The following STARD9 variants were observed in gnomAD, a reference collection of about 807,000 sequenced individuals.
The protein encoded by STARD9 is StAR related lipid transfer domain containing 9.
In STARD9, 346 loss-of-function variants were observed where a neutral mutation model predicts 399.8. The ratio of observed to expected loss-of-function variants is 0.87; its 90% confidence interval spans 0.79 to 0.95. The LOEUF is 0.95. Among genes scored for constraint, STARD9 ranks in the 40% least tolerant of loss-of-function variants. The pLI is 0.00. For missense variants in STARD9, 5,832 were observed against 5,667.5 expected (o/e 1.03, Z -0.93); for synonymous variants, 2,203 against 2,143.5 (o/e 1.03, Z -0.77).
At chr15:42,696,074 T>G (rs2060841062) in intron 26 of STARD9, among the ~76,000 whole-genome samples, 194 bp downstream of exon 26, 1 of 152,270 alleles carries the variant, frequency 6.6e-6, no homozygotes, top group Non-Finnish European at 1.5e-5. Flanking sequence ...GTTCATTCAT[T>G]CAACAAATGT....
chr15:42,692,567 C>T lies in STARD9; in HGVS notation c.10989C>T (p.Ala3663=), dbSNP rs1595787882. The T allele has an allele frequency of 6.5e-7, 1 of 1,537,222 alleles. No individual in the cohort carries two copies. The highest frequency in any genetic ancestry group is 8.7e-7 in the Non-Finnish European group (1 of 1,146,924). Residue 3663 remains alanine, a synonymous_variant, in exon 23 of 33, where the codon GCC becomes GCT. Coordinates refer to ENST00000290607, the MANE Select transcript of STARD9 (RefSeq NM_020759.3). ...STDISFAQPE[A]SAVSAFDLAS... Reference sequence around the variant, plus strand: ...ACATCTCCTTTGCTCAGCCTGAAGCCAGTGCAGTATCAGCCTTTGATCTGG... The same window carrying T: ...ACATCTCCTTTGCTCAGCCTGAAGCTAGTGCAGTATCAGCCTTTGATCTGG...
chr15:42,682,229 C>G lies in STARD9; in HGVS notation c.2191C>G (p.Pro731Ala). The change falls in exon 22 of 33, where the codon CCT becomes GCT. Residue 731 changes from proline to alanine, a missense_variant. Around this residue, in one of 2 missense-constraint regions of STARD9, gnomAD observed 5,828 missense variants for 5,651.1 expected, o/e 1.03. Coordinates refer to ENST00000290607, the MANE Select transcript of STARD9 (RefSeq NM_020759.3). ...VALDAWLQTD[P>A]EIQPSPFVQS... is the part of the protein sequence containing the mutation. ...ACTTGATGCTTGGCTTCAGACAGAT[C>G]CTGAGATTCAGCCATCCCCATTTGT... 2 of 1,537,250 alleles carry G rather than the reference C, an allele frequency of 1.3e-6. No homozygotes were observed. Among genetic ancestry groups the G allele is most frequent in the Non-Finnish European group, 1.7e-6 (2 of 1,146,902 alleles).
intron 14 of STARD9, among the ~76,000 whole-genome samples, 184 bp from the exon 15 acceptor site, chr15:42,665,602 A>T (rs928642540): frequency 7.2e-5 from 11 of 152,172 alleles, no homozygotes; most frequent in Admixed American, 5.9e-4. Flanking sequence ...CCCTCCAGGA[A>T]AATTTCTTTG....
chr15:42,717,528 G>A (rs1231600866), intron 28 of STARD9, among the ~76,000 whole-genome samples: 1 of 152,044 alleles, frequency 6.6e-6, no homozygotes, highest in African/African-American at 2.4e-5. Context: ...GGGAGGCTGA[G>A]GTGGGAGGAT....
Position 42,684,801 on chromosome 15 carries a change from A to AG in STARD9, c.3226dup (p.Asp1076GlyfsTer24), listed in dbSNP as rs34001262. 1 of 1,537,206 alleles carries AG rather than the reference A, an allele frequency of 6.5e-7. No individual in the cohort carries two copies. The highest frequency in any genetic ancestry group is 8.7e-7 in the Non-Finnish European group (1 of 1,146,926). Reference sequence around the variant, plus strand: ...TCCTTTGAAGAGACAACAAAATACAAGGGACCCAGACACCATGGTCCCACT... The same window carrying AG: ...TCCTTTGAAGAGACAACAAAATACAAGGGGACCCAGACACCATGGTCCCACT... On this transcript the variant is annotated frameshift_variant, in exon 23 of 33. Coordinates refer to ENST00000290607, the MANE Select transcript of STARD9 (RefSeq NM_020759.3). LOFTEE classifies it high-confidence loss of function.
chr15:42,692,557 A>G lies in STARD9; in HGVS notation c.10979A>G (p.Gln3660Arg). The G allele has an allele frequency of 1.3e-6, 2 of 1,537,250 alleles. No homozygotes were observed. Among genetic ancestry groups the G allele is most frequent in the Non-Finnish European group, 8.7e-7 (1 of 1,146,922 alleles). The change falls in exon 23 of 33, where the codon CAG (glutamine) becomes CGG (arginine). Residue 3660 changes from glutamine to arginine, a missense_variant. Physicochemically the swap from Gln to Arg is conservative, Grantham distance 43. Around this residue, in one of 2 missense-constraint regions of STARD9, gnomAD observed 5,828 missense variants for 5,651.1 expected, o/e 1.03. Transcript: ENST00000290607. Reference sequence around the variant, plus strand: ...AGCAGCACTGACATCTCCTTTGCTCAGCCTGAAGCCAGTGCAGTATCAGCC... The same window carrying G: ...AGCAGCACTGACATCTCCTTTGCTCGGCCTGAAGCCAGTGCAGTATCAGCC... The part of the protein sequence containing the change: ...HWSSTDISFA[Q>R]PEASAVSAFD...
chr15:42,687,124 C>G lies in STARD9; in HGVS notation c.5546C>G (p.Ser1849Cys). 6.5e-7 allele frequency: 1 copy of G among 1,537,178 alleles called. No individual in the cohort carries two copies. The highest frequency in any genetic ancestry group is 8.7e-7 in the Non-Finnish European group (1 of 1,146,870). Residue 1849 changes from serine (S) to cysteine (C), a missense_variant, in exon 23 of 33, where the codon TCT (serine) becomes TGT (cysteine). By Grantham distance (112) the Ser-to-Cys change is moderately radical (BLOSUM62 -1). Transcript: ENST00000290607. ...ITEESHDSVY[S>C]SVTQNRHFLP... ...GAAGAAAGCCATGATTCAGTTTATT[C>G]TTCTGTTACTCAGAACAGACATTTT...
At chr15:42,699,392 C>CTTTTCTTTTTTTTTT (rs1359323091) in intron 26 of STARD9, among the ~76,000 whole-genome samples, 17 of 113,292 alleles carry the variant, frequency 1.5e-4, no homozygotes, top group East Asian at 7.6e-4. Flanking sequence ...TTTTTCTTTT[C>CTTTTCTTTTTTTTTT]TTTTTTTTTT....
chr15:42,656,187 A>G (rs913887139), intron 9 of STARD9, among the ~76,000 whole-genome samples: 3 of 152,022 alleles, frequency 2.0e-5, no homozygotes, highest in Middle Eastern at 3.4e-3. Context: ...GAAATGCTGT[A>G]TCTACTAAAA....
chr15:42,688,539 G>T lies in STARD9; in HGVS notation c.6961G>T (p.Glu2321Ter). 1 of 1,537,868 alleles carries T rather than the reference G, an allele frequency of 6.5e-7. No individual in the cohort carries two copies. The highest frequency in any genetic ancestry group is 8.7e-7 in the Non-Finnish European group (1 of 1,147,060). Residue 2321 changes from glutamate to a stop codon, truncating the protein, a stop_gained, in exon 23 of 33, where the codon GAA (glutamate) becomes TAA (stop). Coordinates refer to ENST00000290607, the MANE Select transcript of STARD9 (RefSeq NM_020759.3). LOFTEE classifies it high-confidence loss of function. ...ETVSPLLSRT[E>*]FCTAPLHQDL... is the part of the protein sequence containing the mutation. ...TGTCAGCCCATTACTAAGCCGGACA[G>T]AATTCTGTACAGCTCCTCTTCACCA...
chr15:42,643,607 C>T lies in STARD9; in HGVS notation c.559+4795C>T, dbSNP rs1439865346. On this transcript the variant is annotated intron_variant, in intron 7 of 32. Coordinates refer to ENST00000290607, the MANE Select transcript of STARD9 (RefSeq NM_020759.3). Reference sequence around the variant, plus strand: ...CCGGGTTCAAGCGATTCTCCTGCCTCGGCTGAGGCAGCTAGTCCTGACTAG... The same window carrying T: ...CCGGGTTCAAGCGATTCTCCTGCCTTGGCTGAGGCAGCTAGTCCTGACTAG... 6.9e-5 allele frequency among the ~76,000 whole-genome samples: 8 copies of T among 116,334 alleles called. No individual in the cohort carries two copies. In the East Asian group the frequency reaches 1.3e-3, roughly 20 times the overall value. 76.3% of individuals were successfully genotyped at this position (116,334 alleles called of 152,430 possible).
intron 13 of STARD9, among the ~76,000 whole-genome samples, 168 bp from the exon 14 acceptor site, chr15:42,665,085 C>T (rs2060067835): frequency 6.6e-6 from 1 of 152,088 alleles, no homozygotes; most frequent in Non-Finnish European, 1.5e-5. Flanking sequence ...CTAACAAGTT[C>T]TTAGGTGAAG....
chr15:42,603,083 G>A (rs2058662039), intron 3 of STARD9, among the ~76,000 whole-genome samples: 1 of 152,100 alleles, frequency 6.6e-6, no homozygotes, highest in Non-Finnish European at 1.5e-5. Flanking sequence ...TAAAGTTTGA[G>A]GTGGTTGTTA....
intron 14 of STARD9, among the ~76,000 whole-genome samples, 187 bp downstream of exon 14, chr15:42,665,517 A>G (rs1361504644): frequency 1.3e-5 from 2 of 152,074 alleles, no homozygotes; most frequent in African/African-American, 4.8e-5. Flanking sequence ...TGGTGTGGGC[A>G]TTTTTTCACT....
At chr15:42,717,591 C>G (rs915674243) in intron 28 of STARD9, 140 bp from the exon 29 acceptor site, 3 of 771,118 alleles carry the variant, frequency 3.9e-6, no homozygotes, top group Non-Finnish European at 6.5e-6. Context: ...CGCCACTCCA[C>G]TCCAGCCTGG....
rs890648929 is a variant in STARD9, at chr15:42,687,933, C to A, written c.6355C>A (p.Gln2119Lys). 3.9e-6 allele frequency: 6 copies of A among 1,537,178 alleles called. No homozygotes were observed. In the African/African-American group the frequency reaches 6.8e-5, roughly 18 times the overall value. The change falls in exon 23 of 33, where the codon CAG (glutamine) becomes AAG (lysine). Residue 2119 changes from glutamine (Q) to lysine (K), a missense_variant. Transcript: ENST00000290607. ...PSKDQPSSPR[Q>K]TDDTVFRDSE... ...TAAGGATCAGCCATCTTCTCCAAGA[C>A]AGACAGATGATACTGTCTTTAGGGA...
At chr15:42,583,886 T>C (rs144271727) in intron 2 of STARD9, among the ~76,000 whole-genome samples, 1 of 152,134 alleles carries the variant, frequency 6.6e-6, no homozygotes, top group Non-Finnish European at 1.5e-5. Flanking sequence ...GTAACATCTT[T>C]CAGATCCCAG....
chr15:42,665,909 C>T (rs1418903281), intron 15 of STARD9, 61 bp downstream of exon 15: 41 of 1,387,638 alleles, frequency 3.0e-5, no homozygotes, highest in Non-Finnish European at 3.8e-5. Flanking sequence ...TCCATTATTC[C>T]GGAGCTAGGT....
intron 1 of STARD9, among the ~76,000 whole-genome samples, chr15:42,578,879 C>T (rs1326624055): frequency 2.0e-5 from 3 of 152,106 alleles, no homozygotes; most frequent in Non-Finnish European, 4.4e-5. Context: ...GACATCCTTC[C>T]TTTCTTCTTT....
Sources: allele counts gnomAD v4.1 joint callset (sites outside exome capture counted in the v4.1 genomes callset), GRCh38; gene constraint gnomAD v4.1.1; regional missense constraint gnomAD v4.1.1; transcripts MANE v1.5; gene names NCBI Gene and HGNC (gene_info 2026-07-23, HGNC 2026-07-21).